CSNK1G1: variants seen among roughly 807,000 people sequenced by gnomAD.
CSNK1G1 encodes the protein casein kinase I isoform gamma-1.
CSNK1G1 carries 22 observed loss-of-function variants against 59.6 expected under a neutral mutation model. That is an observed-to-expected ratio of 0.37 (90% CI 0.26 to 0.53). CSNK1G1 has a LOEUF of 0.53. Among genes scored for constraint, CSNK1G1 ranks in the 20% least tolerant of loss-of-function variants. The pLI is 0.89. For synonymous variants in CSNK1G1, 179 were observed against 177.1 expected, an observed-to-expected ratio of 1.01 and a Z score of -0.08; for missense variants, 384 against 519.5, an observed-to-expected ratio of 0.74 and a Z score of 2.54.
intron 4 of CSNK1G1, among the ~76,000 whole-genome samples, chr15:64,247,335 A>G (rs1033435308): frequency 1.3e-5 from 2 of 152,208 alleles, no homozygotes; most frequent in African/African-American, 4.8e-5. Flanking sequence ...AAAAATAGTT[A>G]TAAGATTTTA....
chr15:64,287,150 T>G lies in CSNK1G1; in HGVS notation c.181+13169A>C, dbSNP rs1315234987. ...ATAGAAATAGCTACTTGTGATGTCT[T>G]GGATCTGGGCTGTAGTTCCAATTCT... On this transcript the variant is annotated intron_variant, in intron 2 of 11. Coordinates refer to ENST00000303052, the MANE Select transcript of CSNK1G1 (RefSeq NM_022048.5). Among the ~76,000 whole-genome samples the G allele has an allele frequency of 3.9e-5, 6 of 152,204 alleles. No individual in the cohort carries two copies. In the East Asian group the frequency reaches 1.2e-3, roughly 29 times the overall value.
intron 11 of CSNK1G1, among the ~76,000 whole-genome samples, chr15:64,178,705 C>A (rs748405328): frequency 1.1e-4 from 16 of 151,996 alleles, no homozygotes; most frequent in Non-Finnish European, 2.4e-4. Context: ...TGGTCTCAAT[C>A]TCTTGACCTT....
chr15:64,272,189 C>CT (rs2084251373), intron 2 of CSNK1G1, among the ~76,000 whole-genome samples: 1 of 151,508 alleles, frequency 6.6e-6, no homozygotes, highest in Admixed American at 6.6e-5. Context: ...TTGGGTCTTG[C>CT]TTTTTATCCA....
intron 2 of CSNK1G1, among the ~76,000 whole-genome samples, chr15:64,262,926 A>T (rs1892772306): frequency 6.6e-6 from 1 of 151,800 alleles, no homozygotes; most frequent in Admixed American, 6.6e-5. Context: ...CTAAAAATAC[A>T]AAATTAGCCA....
chr15:64,283,021 G>A (rs1894226042), intron 2 of CSNK1G1, among the ~76,000 whole-genome samples: 1 of 152,140 alleles, frequency 6.6e-6, no homozygotes, highest in Non-Finnish European at 1.5e-5. Flanking sequence ...AAGGGTGGGA[G>A]GGGGACAAGG....
intron 1 of CSNK1G1, among the ~76,000 whole-genome samples, chr15:64,326,113 T>G (rs567567230): frequency 6.6e-6 from 1 of 152,282 alleles, no homozygotes; most frequent in African/African-American, 2.4e-5. Flanking sequence ...CAACCTCGAC[T>G]TCCCAGGTTT....
chr15:64,281,261 C>T (rs1894115042), intron 2 of CSNK1G1, among the ~76,000 whole-genome samples: 1 of 152,164 alleles, frequency 6.6e-6, no homozygotes. Context: ...AAGACAACTA[C>T]TGTATGATTC....
chr15:64,271,256 G>T (rs1214882475), intron 2 of CSNK1G1, among the ~76,000 whole-genome samples: 1 of 151,896 alleles, frequency 6.6e-6, no homozygotes, highest in Admixed American at 6.6e-5. Context: ...CCAAAGTGCT[G>T]GGATTACAGG....
chr15:64,221,290 G>T (rs983464862), intron 4 of CSNK1G1, among the ~76,000 whole-genome samples: 48 of 152,134 alleles, frequency 3.2e-4, no homozygotes, highest in African/African-American at 1.2e-3. Context: ...GTTTAAATGA[G>T]ACAACTGATC....
intron 6 of CSNK1G1, among the ~76,000 whole-genome samples, chr15:64,211,329 G>A (rs2082246607): frequency 6.6e-6 from 1 of 152,184 alleles, no homozygotes; most frequent in Non-Finnish European, 1.5e-5. Context: ...TAGCATTAGA[G>A]TTCCTACAAA....
intron 2 of CSNK1G1, among the ~76,000 whole-genome samples, chr15:64,295,809 A>C (rs1894988077): frequency 6.6e-6 from 1 of 152,188 alleles, no homozygotes; most frequent in African/African-American, 2.4e-5. Flanking sequence ...AAAACTCCTG[A>C]TGATTCGACC....
rs59936401 is a variant in CSNK1G1, at chr15:64,259,483, T to TACACACACACACACACAC, written c.182-260_182-243dup. ...CCTAAAAGAGAAAACAAATCTCTCT[T>TACACACACACACACACAC]ACACACACACACACACACACACACA... On this transcript the variant is annotated intron_variant, in intron 2 of 11. Transcript: ENST00000303052. Among the ~76,000 whole-genome samples, 21 of 139,818 alleles carry TACACACACACACACACAC rather than the reference T, an allele frequency of 1.5e-4. No homozygotes were observed. The East Asian group carries it at 1.9e-3, about 13-fold the overall frequency. 91.7% of individuals were successfully genotyped at this position (139,818 alleles called of 152,430 possible). A position where few individuals can be genotyped will look rare whatever the true frequency, so the allele number is the denominator to read the frequency against.
intron 1 of CSNK1G1, among the ~76,000 whole-genome samples, chr15:64,352,280 T>C (rs1303530104): frequency 1.3e-5 from 2 of 151,390 alleles, no homozygotes; most frequent in African/African-American, 4.9e-5. Context: ...CACTCCAGCA[T>C]GGGTGACAGA....
At chr15:64,294,035 A>G (rs1894880346) in intron 2 of CSNK1G1, among the ~76,000 whole-genome samples, 1 of 152,224 alleles carries the variant, frequency 6.6e-6, no homozygotes, top group Non-Finnish European at 1.5e-5. Flanking sequence ...AGATATATTT[A>G]AGTTGAAACA....
intron 4 of CSNK1G1, among the ~76,000 whole-genome samples, chr15:64,249,076 A>G (rs950811818): frequency 6.6e-6 from 1 of 152,152 alleles, no homozygotes; most frequent in Non-Finnish European, 1.5e-5. Context: ...GAGCCGAGAT[A>G]GTGCCACTGC....
chr15:64,249,555 T>A (rs773872954), intron 4 of CSNK1G1, among the ~76,000 whole-genome samples: 3 of 152,220 alleles, frequency 2.0e-5, no homozygotes, highest in Non-Finnish European at 2.9e-5. Flanking sequence ...AGACCAACGA[T>A]GGCCAGCCTA....
chr15:64,264,933 A>C (rs1892900972), intron 2 of CSNK1G1, among the ~76,000 whole-genome samples: 2 of 152,214 alleles, frequency 1.3e-5, no homozygotes, highest in Non-Finnish European at 2.9e-5. Flanking sequence ...ATGGGGAAAA[A>C]TTAAAAGCTT....
chr15:64,245,149 T>C (rs752163969), intron 4 of CSNK1G1, among the ~76,000 whole-genome samples: 1 of 150,916 alleles, frequency 6.6e-6, no homozygotes, highest in African/African-American at 2.4e-5. Flanking sequence ...ATGAAACTAC[T>C]AGAATAAAAC....
In CSNK1G1 at chr15:64,210,727, G is replaced by C. The variant is rs1037441466; in HGVS notation, c.680-3133C>G. On this transcript the variant is annotated intron_variant, in intron 6 of 11. Transcript: ENST00000303052. The surrounding 1 kb of genome is among the most constrained non-coding windows in gnomAD (Gnocchi z 4.2). Reference sequence around the variant, plus strand: ...TTCTCAGTAAAAGCTTAATCAGTGGGAAGGTGGCTACTATGGTCTGGATTT... The same window carrying C: ...TTCTCAGTAAAAGCTTAATCAGTGGCAAGGTGGCTACTATGGTCTGGATTT... 2.0e-5 allele frequency among the ~76,000 whole-genome samples: 3 copies of C among 152,172 alleles called. No individual in the cohort carries two copies. The highest frequency in any genetic ancestry group is 7.2e-5 in the African/African-American group (3 of 41,422).
Sources: allele counts gnomAD v4.1 joint callset (sites outside exome capture counted in the v4.1 genomes callset), GRCh38; gene constraint gnomAD v4.1.1; non-coding constraint Gnocchi (gnomAD v3.1); transcripts MANE v1.5; gene names NCBI Gene and HGNC (gene_info 2026-07-23, HGNC 2026-07-21).